The following RBFOX1 variants were observed in gnomAD, a reference collection of about 807,000 sequenced individuals.
RBFOX1 encodes the protein RNA binding fox-1 homolog 1, also known as RNA binding protein fox-1 homolog 1.
RBFOX1 carries 8 observed loss-of-function variants against 57.7 expected under a neutral mutation model. The observed-to-expected ratio is 0.14, with a 90% CI of 0.08 to 0.25. The LOEUF is 0.25. Ranked by LOEUF, RBFOX1 falls within the 10% of genes least tolerant of loss-of-function variation. The pLI is 1.00. For missense variants in RBFOX1, 611 were observed against 548.5 expected, an observed-to-expected ratio of 1.11 and a Z score of -1.14; for synonymous variants, 326 against 222.4, an observed-to-expected ratio of 1.47 and a Z score of -4.15.
chr16:5,906,825 C>G (rs2058470500), intron 4 of RBFOX1, among the ~76,000 whole-genome samples: 1 of 148,604 alleles, frequency 6.7e-6, no homozygotes, highest in African/African-American at 2.5e-5. Flanking sequence ...ACCTCCACCT[C>G]TCGGGGTCAA....
chr16:7,173,060 C>G (rs2081011922), intron 4 of RBFOX1, among the ~76,000 whole-genome samples: 1 of 152,074 alleles, frequency 6.6e-6, no homozygotes, highest in African/African-American at 2.4e-5. Flanking sequence ...TAGTACCCAA[C>G]AAGTAGAAAA....
At chr16:5,655,076 A>G (rs918544770) in intron 3 of RBFOX1, among the ~76,000 whole-genome samples, 1 of 152,168 alleles carries the variant, frequency 6.6e-6, no homozygotes, top group Non-Finnish European at 1.5e-5. Context: ...CTGTCTCCAC[A>G]CTTAGGAGAC....
At chr16:6,848,128 C>T (rs958622882) in intron 3 of RBFOX1, among the ~76,000 whole-genome samples, 8 of 151,916 alleles carry the variant, frequency 5.3e-5, no homozygotes, top group South Asian at 2.1e-4. Flanking sequence ...TCATTGTGCC[C>T]GATCCAAGAC....
At chr16:7,287,809 T>C (rs1323220056) in intron 4 of RBFOX1, among the ~76,000 whole-genome samples, 1 of 152,208 alleles carries the variant, frequency 6.6e-6, no homozygotes, top group Non-Finnish European at 1.5e-5. Flanking sequence ...AGATTTTACA[T>C]ATATGGGGTA....
At chr16:6,668,322 G>A (rs1354504113) in intron 3 of RBFOX1, among the ~76,000 whole-genome samples, 1 of 152,192 alleles carries the variant, frequency 6.6e-6, no homozygotes, top group African/African-American at 2.4e-5. Context: ...CAAGGGTGGA[G>A]GAGTGAGAGC....
At position 5,997,233 on chromosome 16, in the gene RBFOX1, G is replaced by T. The variant is rs966639121; in HGVS notation, c.351+129898G>T. ...TGTTGTTGGTCCAGGTCAGCCTCCTGCCTGGGGCACAGAACAGAATGAAGA... is the reference window on the plus strand; with the variant it reads ...TGTTGTTGGTCCAGGTCAGCCTCCTTCCTGGGGCACAGAACAGAATGAAGA... On this transcript the variant is annotated intron_variant, in intron 4 of 19. Transcript: ENST00000641259. 1.1e-4 allele frequency among the ~76,000 whole-genome samples: 17 copies of T among 152,210 alleles called. 1 individual carries two copies. The highest frequency in any genetic ancestry group is 7.2e-4 in the Admixed American group (11 of 15,286).
chr16:5,850,962 C>G (rs892291999), intron 3 of RBFOX1, among the ~76,000 whole-genome samples: 4 of 152,186 alleles, frequency 2.6e-5, no homozygotes, highest in East Asian at 1.9e-4. Context: ...GCTGCGTTCC[C>G]GGAGGCTCAT....
intron 1 of RBFOX1, among the ~76,000 whole-genome samples, chr16:6,189,499 A>C (rs1004548351): frequency 6.6e-6 from 1 of 152,218 alleles, no homozygotes; most frequent in African/African-American, 2.4e-5. Flanking sequence ...GGTTAAATGC[A>C]TTGGTTAGCT....
At chr16:5,722,199 A>G (rs1490498027) in intron 3 of RBFOX1, among the ~76,000 whole-genome samples, 3 of 152,204 alleles carry the variant, frequency 2.0e-5, no homozygotes, top group Non-Finnish European at 4.4e-5. Flanking sequence ...TTTGTTAATT[A>G]CAGTATTTAA....
At chr16:6,184,038 C>A (rs956254068) in intron 1 of RBFOX1, among the ~76,000 whole-genome samples, 3 of 152,044 alleles carry the variant, frequency 2.0e-5, no homozygotes, top group African/African-American at 7.2e-5. Context: ...TGCCAGAAGG[C>A]AAAAGGCATG....
At position 6,582,722 on chromosome 16, in the gene RBFOX1, C is replaced by T. The variant is rs75463955; in HGVS notation, c.-63-71881C>T. ...CTTCTTCATTTCTCATCTTCTTCCT[C>T]TCCTGACCGCTCCTTCCTCCCTTTC... On this transcript the variant is annotated intron_variant, in intron 2 of 15. Coordinates refer to ENST00000550418, the MANE Select transcript of RBFOX1 (RefSeq NM_018723.4). Among the ~76,000 whole-genome samples the T allele has an allele frequency of 7.2e-5, 11 of 151,924 alleles. No individual in the cohort carries two copies. The East Asian group carries it at 2.1e-3, about 30-fold the overall frequency.
chr16:6,575,606 CCAG>C (rs1444787262), intron 2 of RBFOX1, among the ~76,000 whole-genome samples: 2 of 151,932 alleles, frequency 1.3e-5, no homozygotes, highest in Non-Finnish European at 2.9e-5. Context: ...GCCTGTAATC[CCAG>C]CACTTTGGGA....
chr16:5,592,274 C>G (rs1481877115), intron 2 of RBFOX1, among the ~76,000 whole-genome samples: 1 of 151,742 alleles, frequency 6.6e-6, no homozygotes, highest in Non-Finnish European at 1.5e-5. Flanking sequence ...TCTCAGATTG[C>G]CCTTTGTCTT....
chr16:7,390,130 C>A (rs115618343), intron 4 of RBFOX1, among the ~76,000 whole-genome samples: 2 of 152,078 alleles, frequency 1.3e-5, no homozygotes, highest in South Asian at 2.1e-4. Context: ...TACATACTTT[C>A]AAACAAACAG....
At chr16:5,734,808 T>C (rs899265287) in intron 3 of RBFOX1, among the ~76,000 whole-genome samples, 3 of 151,986 alleles carry the variant, frequency 2.0e-5, no homozygotes, top group African/African-American at 7.3e-5. Flanking sequence ...TGGGAGCTCA[T>C]CCAAGAAGGA....
At chr16:6,616,568 C>G (rs565505451) in intron 2 of RBFOX1, among the ~76,000 whole-genome samples, 2 of 152,102 alleles carry the variant, frequency 1.3e-5, no homozygotes, top group Non-Finnish European at 1.5e-5. Flanking sequence ...CCCAGGTACT[C>G]AGGAGGCTGA....
At chr16:7,688,751 A>T (rs2076681243) in intron 14 of RBFOX1, among the ~76,000 whole-genome samples, 1 of 152,164 alleles carries the variant, frequency 6.6e-6, no homozygotes, top group African/African-American at 2.4e-5. Flanking sequence ...GGCTAGTGAC[A>T]TAAGAGTGAA....
intron 6 of RBFOX1, among the ~76,000 whole-genome samples, chr16:7,584,041 T>C (rs1469272915): frequency 1.3e-5 from 2 of 152,144 alleles, no homozygotes; most frequent in African/African-American, 4.8e-5. Flanking sequence ...AGTGAAGTCA[T>C]TATGGGGAGA....
At chr16:6,212,803 A>G (rs371832290) in intron 1 of RBFOX1, among the ~76,000 whole-genome samples, 22 of 152,038 alleles carry the variant, frequency 1.4e-4, no homozygotes, top group African/African-American at 5.1e-4. Context: ...GATAAGACAT[A>G]CTCTTTAATT....
Sources: gnomAD v4.1 joint callset for allele counts (sites outside exome capture counted in the v4.1 genomes callset) on GRCh38, gnomAD v4.1.1 for gene constraint, MANE v1.5 for transcripts, NCBI Gene and HGNC (gene_info 2026-07-23, HGNC 2026-07-21) for gene names.